SMYD3: variants seen among roughly 807,000 people sequenced by gnomAD.
The protein encoded by SMYD3 is histone-lysine N-methyltransferase SMYD3.
Under a neutral mutation model 57.7 loss-of-function variants are expected in SMYD3, and 36 were observed. That is an observed-to-expected ratio of 0.62 (90% CI 0.48 to 0.82). SMYD3 has a LOEUF of 0.82. SMYD3 is among the 40% of genes least tolerant of loss of function. The pLI is 0.00. For missense variants in SMYD3, 515 were observed against 538.8 expected, an observed-to-expected ratio of 0.96 and a Z score of 0.44; for synonymous variants, 211 against 195.0, an observed-to-expected ratio of 1.08 and a Z score of -0.68.
intron 10 of SMYD3, among the ~76,000 whole-genome samples, chr1:245,816,685 G>A (rs1302505105): frequency 6.6e-6 from 1 of 151,994 alleles, no homozygotes; most frequent in Non-Finnish European, 1.5e-5. Context: ...AGGTCAGTGG[G>A]TGCGCGCACC....
intron 1 of SMYD3, among the ~76,000 whole-genome samples, chr1:246,481,656 A>C (rs1333678840): frequency 7.1e-6 from 1 of 140,122 alleles, no homozygotes; most frequent in African/African-American, 2.6e-5. Flanking sequence ...ATATGATCAT[A>C]TATATAATTA....
chr1:246,142,408 C>A (rs1318647134), intron 5 of SMYD3, among the ~76,000 whole-genome samples: 1 of 151,986 alleles, frequency 6.6e-6, no homozygotes, highest in African/African-American at 2.4e-5. Context: ...GAAGGAAGCA[C>A]TTTACAGCTT....
At chr1:246,229,916 G>A (rs925087560) in intron 5 of SMYD3, among the ~76,000 whole-genome samples, 1 of 152,138 alleles carries the variant, frequency 6.6e-6, no homozygotes, top group African/African-American at 2.4e-5. Flanking sequence ...ATTTTAATGT[G>A]TTCCTAAAAC....
At chr1:246,059,486 A>G (rs2060214068) in intron 5 of SMYD3, among the ~76,000 whole-genome samples, 1 of 152,192 alleles carries the variant, frequency 6.6e-6, no homozygotes, top group Non-Finnish European at 1.5e-5. Context: ...CACTGGCACT[A>G]GGACCTTTTT....
At chr1:245,752,412 C>T (rs537811786) in intron 11 of SMYD3, among the ~76,000 whole-genome samples, 1 of 152,306 alleles carries the variant, frequency 6.6e-6, no homozygotes, top group African/African-American at 2.4e-5. Context: ...GTTACATTCC[C>T]CAGGTTCCCC....
At chr1:245,940,880 A>G (rs1270691505) in intron 5 of SMYD3, among the ~76,000 whole-genome samples, 1 of 152,228 alleles carries the variant, frequency 6.6e-6, no homozygotes, top group African/African-American at 2.4e-5. Flanking sequence ...GAGTTAAAGT[A>G]GTTTGTTCTA....
At chr1:246,116,621 T>C (rs1241922961) in intron 5 of SMYD3, among the ~76,000 whole-genome samples, 1 of 152,208 alleles carries the variant, frequency 6.6e-6, no homozygotes, top group Non-Finnish European at 1.5e-5. Context: ...AGCCCTCAGC[T>C]ATGCTATCTT....
chr1:245,951,277 G>A (rs1572772454), intron 5 of SMYD3, among the ~76,000 whole-genome samples: 1 of 151,764 alleles, frequency 6.6e-6, no homozygotes, highest in Admixed American at 6.6e-5. Context: ...GCTTTACCGC[G>A]ATGCACAGTA....
intron 8 of SMYD3, among the ~76,000 whole-genome samples, chr1:245,885,100 C>T (rs113808186): frequency 5.9e-5 from 9 of 152,070 alleles, no homozygotes; most frequent in East Asian, 5.8e-4. Flanking sequence ...CAACTCTGTA[C>T]ACGCCACCTT....
intron 5 of SMYD3, among the ~76,000 whole-genome samples, chr1:246,208,939 T>C (rs4478780): frequency 0.39 from 59,348 of 151,916 alleles, 12,773 homozygotes; most frequent in East Asian, 0.79. Flanking sequence ...AAAGGTCAAA[T>C]AATATATGAT....
intron 5 of SMYD3, among the ~76,000 whole-genome samples, chr1:246,044,751 T>C (rs1042219781): frequency 2.6e-5 from 4 of 152,186 alleles, no homozygotes; most frequent in African/African-American, 9.7e-5. Flanking sequence ...AGGTAAAAAT[T>C]ACTTAAACAT....
intron 5 of SMYD3, among the ~76,000 whole-genome samples, chr1:246,038,510 A>C (rs35196924): frequency 0.063 from 9,654 of 152,300 alleles, 346 homozygotes; most frequent in African/African-American, 0.074. Flanking sequence ...ACCTATCCAC[A>C]TGTGCCTCGG....
chr1:246,463,990 A>G (rs2067846671), intron 1 of SMYD3, among the ~76,000 whole-genome samples: 1 of 152,166 alleles, frequency 6.6e-6, no homozygotes, highest in Non-Finnish European at 1.5e-5. Flanking sequence ...AACAGGTCTA[A>G]AATCTACACT....
rs113703938 is a variant in SMYD3 at position 246,479,499 on chromosome 1, G to A, written c.164+27555C>T. On this transcript the variant is annotated intron_variant, in intron 1 of 11. Transcript: ENST00000490107. ...ATGTGTTTGGCATGTGTCAAAAAGC[G>A]GGATTTTTTTTTTTTTTTTTTTTTT... Among the ~76,000 whole-genome samples, 903 of 130,878 alleles carry A rather than the reference G, an allele frequency of 6.9e-3. 6 individuals are homozygous for A. Among genetic ancestry groups the A allele is most frequent in the African/African-American group, 0.024 (855 of 35,674 alleles). 85.9% of individuals were successfully genotyped at this position (130,878 alleles called of 152,430 possible). A position where few individuals can be genotyped will look rare whatever the true frequency, so the allele number is the denominator to read the frequency against.
chr1:245,907,026 C>A (rs942843317), intron 8 of SMYD3, among the ~76,000 whole-genome samples: 23 of 152,266 alleles, frequency 1.5e-4, no homozygotes, highest in Non-Finnish European at 2.5e-4. Flanking sequence ...CAATTGAACT[C>A]ATGGACAGAG....
intron 5 of SMYD3, among the ~76,000 whole-genome samples, chr1:246,248,787 G>A (rs772629955): frequency 1.7e-4 from 24 of 145,122 alleles, no homozygotes; most frequent in Admixed American, 4.2e-4. Context: ...GACCACAGGC[G>A]CCCGCCACCA....
intron 10 of SMYD3, among the ~76,000 whole-genome samples, chr1:245,811,296 C>T (rs769452856): frequency 1.5e-4 from 23 of 152,192 alleles, no homozygotes; most frequent in Non-Finnish European, 3.1e-4. Flanking sequence ...TAGCAAGATA[C>T]TGAATGCCCC....
At chr1:246,278,524 G>A (rs79220954) in intron 5 of SMYD3, among the ~76,000 whole-genome samples, 1 of 152,150 alleles carries the variant, frequency 6.6e-6, no homozygotes, top group Non-Finnish European at 1.5e-5. Context: ...ACCTGAGAAG[G>A]AACTGTGGGT....
chr1:246,336,100 T>C (rs1426612717), intron 2 of SMYD3, among the ~76,000 whole-genome samples: 1 of 152,232 alleles, frequency 6.6e-6, no homozygotes, highest in Admixed American at 6.5e-5. Context: ...TGAAAAGTTC[T>C]GGTTTTGATG....
Sources: allele counts gnomAD v4.1 joint callset (sites outside exome capture counted in the v4.1 genomes callset), GRCh38; gene constraint gnomAD v4.1.1; transcripts MANE v1.5; gene names NCBI Gene and HGNC (gene_info 2026-07-23, HGNC 2026-07-21).